Variants in KCND2 observed in about 807,000 individuals in gnomAD.
KCND2 encodes potassium voltage-gated channel subfamily D member 2.
In KCND2, 16 loss-of-function variants were observed where a neutral mutation model predicts 54.4. The ratio of observed to expected loss-of-function variants is 0.29; its 90% CI spans 0.20 to 0.45. KCND2 has a LOEUF of 0.45. KCND2 is among the 20% of genes least tolerant of loss of function. KCND2 has a pLI of 1.00. For missense variants in KCND2, 486 were observed against 824.2 expected, an observed-to-expected ratio of 0.59 and a Z score of 5.02; for synonymous variants, 317 against 310.7, an observed-to-expected ratio of 1.02 and a Z score of -0.21.
chr7:120,342,942 T>A (rs77037148), intron 1 of KCND2, among the ~76,000 whole-genome samples: 4,980 of 152,148 alleles, frequency 0.033, 116 homozygotes, highest in Middle Eastern at 0.051. Context: ...TATAAGAATA[T>A]CTTAGAAAGT....
At chr7:120,445,927 C>T (rs1178394117) in intron 1 of KCND2, among the ~76,000 whole-genome samples, 3 of 152,140 alleles carry the variant, frequency 2.0e-5, no homozygotes, top group Non-Finnish European at 1.5e-5. Context: ...GACAGCTTTT[C>T]AATCAAGCTG....
At chr7:120,360,268 G>A (rs938790786) in intron 1 of KCND2, among the ~76,000 whole-genome samples, 2 of 151,990 alleles carry the variant, frequency 1.3e-5, no homozygotes, top group African/African-American at 4.8e-5. Context: ...AGGGCACAAA[G>A]GTACATGTCT....
intron 1 of KCND2, among the ~76,000 whole-genome samples, chr7:120,325,402 G>T (rs1799960134): frequency 6.7e-6 from 1 of 149,546 alleles, no homozygotes; most frequent in South Asian, 2.2e-4. Context: ...AATGCTTCCA[G>T]TTTTTGCCCA....
chr7:120,337,592 C>T (rs1800170249), intron 1 of KCND2, among the ~76,000 whole-genome samples: 2 of 152,108 alleles, frequency 1.3e-5, no homozygotes, highest in South Asian at 2.1e-4. Context: ...TCTTCCCATT[C>T]TAAAGTCATA....
At chr7:120,459,318 A>G (rs1802247163) in intron 1 of KCND2, among the ~76,000 whole-genome samples, 1 of 152,068 alleles carries the variant, frequency 6.6e-6, no homozygotes, top group Non-Finnish European at 1.5e-5. Context: ...TCTGCCTGGA[A>G]TGCTCTTCCC....
intron 1 of KCND2, among the ~76,000 whole-genome samples, chr7:120,408,006 C>T (rs193237183): frequency 1.9e-4 from 29 of 151,788 alleles, no homozygotes; most frequent in Non-Finnish European, 3.4e-4. Context: ...TGGTGACAAG[C>T]GAAGAGGCTC....
chr7:120,746,255 ATTGAG>A (rs1419490103), intron 5 of KCND2, among the ~76,000 whole-genome samples: 1 of 152,160 alleles, frequency 6.6e-6, no homozygotes, highest in Non-Finnish European at 1.5e-5. Context: ...AGAAGAGATG[ATTGAG>A]TGCACACAAA....
chr7:120,714,229 A>G (rs992925051), intron 1 of KCND2, among the ~76,000 whole-genome samples: 26 of 152,244 alleles, frequency 1.7e-4, no homozygotes, highest in Admixed American at 1.7e-3. Flanking sequence ...TGAGAATGCT[A>G]CTAAGATGTT....
intron 1 of KCND2, among the ~76,000 whole-genome samples, chr7:120,523,101 A>G (rs1402864226): frequency 6.6e-6 from 1 of 152,180 alleles, no homozygotes; most frequent in Admixed American, 6.5e-5. Flanking sequence ...AAATATTTGT[A>G]GAAGGTTACC....
chr7:120,694,418 T>C (rs932516740), intron 1 of KCND2, among the ~76,000 whole-genome samples: 3 of 152,180 alleles, frequency 2.0e-5, no homozygotes, highest in Admixed American at 6.5e-5. Context: ...AAATAAATAA[T>C]GATGACTTAT....
intron 1 of KCND2, among the ~76,000 whole-genome samples, chr7:120,576,515 C>T (rs1006459748): frequency 1.3e-5 from 1 of 75,800 alleles, no homozygotes; most frequent in African/African-American, 2.9e-5. Context: ...GCTCACAGAG[C>T]ATGAAAATTT....
chr7:120,596,401 T>C (rs1028399451), intron 1 of KCND2, among the ~76,000 whole-genome samples: 10 of 152,204 alleles, frequency 6.6e-5, no homozygotes, highest in East Asian at 1.9e-4. Context: ...ATTTGTGTAA[T>C]TGTATATGAG....
intron 1 of KCND2, among the ~76,000 whole-genome samples, chr7:120,658,652 G>A (rs566018011): frequency 6.6e-6 from 1 of 152,182 alleles, no homozygotes; most frequent in Admixed American, 6.5e-5. Flanking sequence ...TTCAAACCTT[G>A]AAAGAAAAAG....
chr7:120,528,331 C>T (rs1277879206), intron 1 of KCND2, among the ~76,000 whole-genome samples: 4 of 151,918 alleles, frequency 2.6e-5, no homozygotes, highest in African/African-American at 7.3e-5. Context: ...GAACTTGTTA[C>T]ATATATAGAA....
intron 1 of KCND2, among the ~76,000 whole-genome samples, chr7:120,543,426 A>C (rs1488499888): frequency 1.3e-5 from 2 of 152,108 alleles, no homozygotes; most frequent in African/African-American, 4.8e-5. Context: ...AGAAGAAATT[A>C]AAATATTTTA....
At chr7:120,675,398 CT>C (rs1042955899) in intron 1 of KCND2, among the ~76,000 whole-genome samples, 4 of 151,420 alleles carry the variant, frequency 2.6e-5, no homozygotes, top group Admixed American at 2.0e-4. Context: ...CTAATTTTTT[CT>C]CTTTTTTTTT....
At chr7:120,423,663 C>T (rs1801659840) in intron 1 of KCND2, among the ~76,000 whole-genome samples, 1 of 152,178 alleles carries the variant, frequency 6.6e-6, no homozygotes, top group Non-Finnish European at 1.5e-5. Flanking sequence ...CTTCTTTTAC[C>T]TTCCTTGACA....
At chr7:120,523,011 T>C (rs1437771158) in intron 1 of KCND2, among the ~76,000 whole-genome samples, 1 of 152,176 alleles carries the variant, frequency 6.6e-6, no homozygotes, top group Non-Finnish European at 1.5e-5. Context: ...CAACCAGAGA[T>C]AGAAGACACA....
chr7:120,481,207 C>G (rs1449988176), intron 1 of KCND2, among the ~76,000 whole-genome samples: 1 of 152,124 alleles, frequency 6.6e-6, no homozygotes, highest in Non-Finnish European at 1.5e-5. Context: ...GTGTTCATGC[C>G]TGAGGGCTTT....
Sources: gnomAD v4.1 joint callset for allele counts (sites outside exome capture counted in the v4.1 genomes callset) on GRCh38, gnomAD v4.1.1 for gene constraint, MANE v1.5 for transcripts, NCBI Gene and HGNC (gene_info 2026-07-23, HGNC 2026-07-21) for gene names.